The following MSI2 variants were observed in gnomAD, a reference collection of about 807,000 sequenced individuals.
The protein encoded by MSI2 is musashi RNA binding protein 2.
A neutral mutation model predicts 45.6 loss-of-function variants in MSI2; 17 were observed. The observed-to-expected ratio is 0.37, with a 90% CI of 0.26 to 0.56. MSI2 has a LOEUF of 0.56. Among genes scored for constraint, MSI2 ranks in the 20% least tolerant of loss-of-function variants. The probability of loss-of-function intolerance (pLI) is 0.77; values close to 1 mark genes in which losing one functional copy is unlikely to be tolerated. For missense variants in MSI2, 293 were observed against 444.2 expected (o/e 0.66, Z 3.06); for synonymous variants, 156 against 158.2 (o/e 0.99, Z 0.11).
chr17:57,300,499 A>C (rs1567744452), intron 5 of MSI2, among the ~76,000 whole-genome samples: 3 of 152,200 alleles, frequency 2.0e-5, no homozygotes, highest in Admixed American at 1.3e-4. Flanking sequence ...TATGATTTAC[A>C]AATGTGAGAT....
chr17:57,591,207 G>A (rs1904795238), intron 7 of MSI2, among the ~76,000 whole-genome samples: 1 of 152,132 alleles, frequency 6.6e-6, no homozygotes, highest in Admixed American at 6.5e-5. Context: ...GCCTTCATGA[G>A]GCTCCATTTC....
chr17:57,277,053 C>CTTT (rs34561938), intron 5 of MSI2, among the ~76,000 whole-genome samples: 5 of 124,984 alleles, frequency 4.0e-5, no homozygotes, highest in Admixed American at 8.2e-5. Context: ...GTTTTCTTTT[C>CTTT]TTTTTTTTTT....
At chr17:57,264,490 G>A (rs892023599) in intron 5 of MSI2, 2 of 152,204 alleles carry the variant, frequency 1.3e-5, no homozygotes, top group Non-Finnish European at 2.9e-5. Flanking sequence ...TGGGATTATA[G>A]GCGTGAGCCA....
chr17:57,384,603 G>A (rs2083653174), intron 5 of MSI2, among the ~76,000 whole-genome samples: 1 of 152,214 alleles, frequency 6.6e-6, no homozygotes. Flanking sequence ...GGGAGGGACA[G>A]AGACCAAGGA....
chr17:57,573,189 T>C (rs1177642128), intron 7 of MSI2, among the ~76,000 whole-genome samples: 2 of 152,234 alleles, frequency 1.3e-5, no homozygotes, highest in African/African-American at 2.4e-5. Context: ...ATTGTAAAGA[T>C]ATTGCCTTAC....
Position 57,285,162 on chromosome 17 carries a change from A to G in MSI2, c.312+22970A>G, listed in dbSNP as rs868740. Among the ~76,000 whole-genome samples, 743 of 152,236 alleles carry G rather than the reference A, an allele frequency of 4.9e-3. 7 individuals are homozygous for G. The highest frequency in any genetic ancestry group is 9.8e-3 in the Admixed American group (150 of 15,282). Reference sequence around the variant, plus strand: ...ACATCCTTGTTAGAGCCCAGTGCGGAGGGGACCCTGAGGCACATACTGTTT... The same window carrying G: ...ACATCCTTGTTAGAGCCCAGTGCGGGGGGGACCCTGAGGCACATACTGTTT... On this transcript the variant is annotated intron_variant, in intron 5 of 13. Coordinates refer to ENST00000284073, the MANE Select transcript of MSI2 (RefSeq NM_138962.4).
At chr17:57,591,147 A>G (rs1904790035) in intron 7 of MSI2, among the ~76,000 whole-genome samples, 1 of 152,068 alleles carries the variant, frequency 6.6e-6, no homozygotes, top group African/African-American at 2.4e-5. Context: ...TTGCTGAGTG[A>G]GGATAATTGT....
chr17:57,671,734 TG>T (rs1342259596), intron 11 of MSI2, among the ~76,000 whole-genome samples: 2 of 152,226 alleles, frequency 1.3e-5, no homozygotes, highest in African/African-American at 4.8e-5. Flanking sequence ...AAAATTGCTT[TG>T]TCCCTAATGC....
chr17:57,280,845 A>G lies in MSI2; in HGVS notation c.312+18653A>G, dbSNP rs996618865. ...AAGCTAAGCACACATAAACATTTTA[A>G]TCTTTTTCTTCTAAACCCTACTTCG... On this transcript the variant is annotated intron_variant, in intron 5 of 13. Coordinates refer to ENST00000284073, the MANE Select transcript of MSI2 (RefSeq NM_138962.4). This position sits in a 1 kb window ranked among gnomAD's most constrained non-coding sequence, Gnocchi z 4.2. Among the ~76,000 whole-genome samples, 1 of 152,218 alleles carries G rather than the reference A, an allele frequency of 6.6e-6. No individual in the cohort carries two copies. Among genetic ancestry groups the G allele is most frequent in the Non-Finnish European group, 1.5e-5 (1 of 68,028 alleles).
chr17:57,291,592 TTA>T (rs1910422466), intron 5 of MSI2, among the ~76,000 whole-genome samples: 1 of 152,298 alleles, frequency 6.6e-6, no homozygotes, highest in East Asian at 1.9e-4. Context: ...AACATGCTGC[TTA>T]GTACCATTAG....
chr17:57,452,928 A>T (rs2085045564), intron 6 of MSI2, among the ~76,000 whole-genome samples: 1 of 151,240 alleles, frequency 6.6e-6, no homozygotes, highest in South Asian at 2.1e-4. Flanking sequence ...AGACTGGGGA[A>T]GGATTCTGCA....
intron 6 of MSI2, among the ~76,000 whole-genome samples, chr17:57,436,020 G>T (rs1257015101): frequency 6.6e-6 from 1 of 152,124 alleles, no homozygotes; most frequent in African/African-American, 2.4e-5. Context: ...CCATGCTGGA[G>T]GTGGAGGGTT....
chr17:57,440,367 C>T (rs1598272729), intron 6 of MSI2, among the ~76,000 whole-genome samples: 3 of 150,178 alleles, frequency 2.0e-5, no homozygotes, highest in Admixed American at 2.0e-4. Context: ...GGCTTAGCAT[C>T]AGTCAGATGC....
chr17:57,419,769 GGCTTT>G (rs2084362487), intron 6 of MSI2, among the ~76,000 whole-genome samples: 1 of 151,986 alleles, frequency 6.6e-6, no homozygotes, highest in Non-Finnish European at 1.5e-5. Flanking sequence ...ACCTAGAAGG[GGCTTT>G]GCAGACCCTT....
intron 6 of MSI2, among the ~76,000 whole-genome samples, chr17:57,435,326 A>C: frequency 6.6e-6 from 1 of 152,110 alleles, no homozygotes; most frequent in South Asian, 2.1e-4. Context: ...AAGACTCAGA[A>C]GGAAGACAGG....
At chr17:57,346,580 A>G (rs1915631299) in intron 5 of MSI2, among the ~76,000 whole-genome samples, 1 of 152,144 alleles carries the variant, frequency 6.6e-6, no homozygotes, top group South Asian at 2.1e-4. Context: ...TGTTGTTTAA[A>G]TCATTAGCAG....
chr17:57,440,127 T>G (rs930611997), intron 6 of MSI2, among the ~76,000 whole-genome samples: 1 of 152,156 alleles, frequency 6.6e-6, no homozygotes, highest in African/African-American at 2.4e-5. Flanking sequence ...CAGTTTGAAC[T>G]GTGCTTGAAA....
At chr17:57,381,772 C>T (rs144937966) in intron 5 of MSI2, among the ~76,000 whole-genome samples, 7 of 152,330 alleles carry the variant, frequency 4.6e-5, no homozygotes, top group African/African-American at 1.4e-4. Flanking sequence ...GTGCATCTTG[C>T]TTATCTTTGT....
chr17:57,513,777 A>G (rs1260505583), intron 6 of MSI2, among the ~76,000 whole-genome samples: 2 of 152,076 alleles, frequency 1.3e-5, no homozygotes, highest in Admixed American at 1.3e-4. Flanking sequence ...CTTGAGTGCC[A>G]CATAGTTCCT....
Sources: allele counts gnomAD v4.1 joint callset (sites outside exome capture counted in the v4.1 genomes callset), GRCh38; gene constraint gnomAD v4.1.1; non-coding constraint Gnocchi (gnomAD v3.1); transcripts MANE v1.5; gene names NCBI Gene and HGNC (gene_info 2026-07-23, HGNC 2026-07-21).